The following DAB2IP variants were observed in gnomAD, a reference collection of about 807,000 sequenced individuals.
DAB2IP encodes the protein DAB2 interacting protein, also known as disabled homolog 2-interacting protein.
A neutral mutation model predicts 107.2 loss-of-function variants in DAB2IP; 28 were observed. The ratio of observed to expected loss-of-function variants is 0.26; its 90% CI spans 0.19 to 0.36. DAB2IP has a LOEUF of 0.36. Ranked by LOEUF, DAB2IP falls within the 10% of genes least tolerant of loss-of-function variation. DAB2IP has a pLI of 1.00. For missense variants in DAB2IP, 1,400 were observed against 1,644.7 expected (o/e 0.85, Z 2.57); for synonymous variants, 755 against 706.4 (o/e 1.07, Z -1.09).
chr9:121,757,016 C>G, exon 4 of DAB2IP: 1 of 1,614,056 alleles, frequency 6.2e-7, no homozygotes, highest in African/African-American at 1.3e-5. Context: ...ACCCCAGGTC[C>G]CATCTGATGC....
At chr9:121,664,944 TGAGTC>T (rs921932532) in intron 1 of DAB2IP, among the ~76,000 whole-genome samples, 7 of 152,234 alleles carry the variant, frequency 4.6e-5, no homozygotes, top group Non-Finnish European at 1.0e-4. Context: ...ATATACAGTC[TGAGTC>T]AACTGTTCTA....
intron 1 of DAB2IP, among the ~76,000 whole-genome samples, chr9:121,669,707 T>C (rs1273917189): frequency 6.6e-6 from 1 of 152,184 alleles, no homozygotes; most frequent in African/African-American, 2.4e-5. Flanking sequence ...AGGGTGATGA[T>C]TGGTATTTTG....
chr9:121,757,624 A>C (rs1412542011), intron 4 of DAB2IP, among the ~76,000 whole-genome samples: 2 of 152,078 alleles, frequency 1.3e-5, no homozygotes, highest in African/African-American at 4.8e-5. Flanking sequence ...GTTTGAATGC[A>C]GAGAGCCAGT....
chr9:121,593,729 A>G (rs1420272726), intron 1 of DAB2IP, among the ~76,000 whole-genome samples: 1 of 134,612 alleles, frequency 7.4e-6, no homozygotes, highest in Non-Finnish European at 1.5e-5. Flanking sequence ...GTGCAGTGGC[A>G]TAATCTCGGC....
intron 3 of DAB2IP, among the ~76,000 whole-genome samples, chr9:121,728,773 AG>A (rs1172484508): frequency 6.6e-6 from 1 of 151,794 alleles, no homozygotes; most frequent in East Asian, 1.9e-4. Context: ...AGCTTTATGA[AG>A]AAAATGTTTG....
chr9:121,763,633 C>T, exon 7 of DAB2IP: 10 of 1,613,348 alleles, frequency 6.2e-6, no homozygotes, highest in Non-Finnish European at 8.5e-6. Flanking sequence ...GCCAGAAGTA[C>T]CTGCAGGACG....
At chr9:121,593,252 C>T (rs1830452667) in intron 1 of DAB2IP, among the ~76,000 whole-genome samples, 1 of 151,982 alleles carries the variant, frequency 6.6e-6, no homozygotes, top group Non-Finnish European at 1.5e-5. Flanking sequence ...TGCTTGGCTT[C>T]TCTTGGAATT....
chr9:121,581,245 A>G (rs1203969049), intron 1 of DAB2IP, among the ~76,000 whole-genome samples: 2 of 152,142 alleles, frequency 1.3e-5, no homozygotes, highest in African/African-American at 4.8e-5. Flanking sequence ...ACCCAGAGCC[A>G]AGGGGGTAGT....
Position 121,651,810 on chromosome 9 carries a change from G to A in DAB2IP, c.35G>A (p.Gly12Glu). 1 of 1,463,030 alleles carries A rather than the reference G, an allele frequency of 6.8e-7. No individual in the cohort carries two copies. The highest frequency in any genetic ancestry group is 1.3e-5 in the South Asian group (1 of 75,606). 90.6% of individuals were successfully genotyped at this position (1,463,030 alleles called of 1,614,324 possible). The change falls in exon 1 of 16, where the codon GGG becomes GAG. Residue 12 changes from glycine to glutamate, a missense_variant. By Grantham distance (98) the Gly-to-Glu change is moderately conservative (BLOSUM62 -2). Transcript: ENST00000408936. The surrounding 1 kb of genome is among the most constrained non-coding windows in gnomAD (Gnocchi z 5.1). ...GGCGGCAGCGCCAGGAAGAGCACCG[G>A]GAGGTCCTCCTACTACTACCGGCTG...
Position 121,736,420 on chromosome 9 carries a change from C to T in DAB2IP, c.363-20593C>T, listed in dbSNP as rs1831921034. 6.6e-6 allele frequency among the ~76,000 whole-genome samples: 1 copy of T among 152,188 alleles called. No homozygotes were observed. On this transcript the variant is annotated intron_variant, in intron 3 of 15. Coordinates refer to ENST00000408936, the Ensembl canonical transcript of DAB2IP. The surrounding 1 kb of genome is among the most constrained non-coding windows in gnomAD (Gnocchi z 4.6). ...CCTGCTCCAGGGCCTGCGCGTCCCG[C>T]CCGCCCGGCGTGCCGAAGCGCAGCG... is the stretch of plus-strand genomic sequence containing the variant.
intron 3 of DAB2IP, among the ~76,000 whole-genome samples, chr9:121,749,746 A>G (rs1046751463): frequency 1.3e-5 from 2 of 152,240 alleles, no homozygotes; most frequent in Non-Finnish European, 2.9e-5. Flanking sequence ...GAGGCATCCC[A>G]GAGCATTTGG....
At chr9:121,586,534 G>C (rs888266464) in intron 1 of DAB2IP, among the ~76,000 whole-genome samples, 4 of 152,246 alleles carry the variant, frequency 2.6e-5, no homozygotes, top group Middle Eastern at 3.4e-3. Context: ...CTACAGGGGA[G>C]AAACCTGTTA....
At chr9:121,777,484 T>C (rs929589498) in intron 14 of DAB2IP, among the ~76,000 whole-genome samples, 1 of 152,248 alleles carries the variant, frequency 6.6e-6, no homozygotes, top group Non-Finnish European at 1.5e-5. Context: ...AGAATGGAAA[T>C]GCTTTTCAAT....
rs1830709517 is a variant in DAB2IP at position 121,602,330 on chromosome 9, G to A, written c.40+35102G>A. Among the ~76,000 whole-genome samples the A allele has an allele frequency of 2.0e-5, 3 of 152,176 alleles. No individual in the cohort carries two copies. In the South Asian group the frequency reaches 6.2e-4, roughly 32 times the overall value. On this transcript the variant is annotated intron_variant, in intron 1 of 16. Transcript: ENST00000259371. ...GGATGTACTTGCGGGCAGACCTGTG[G>A]CACCCCCAAGATCACTGGCCTCTGC...
intron 1 of DAB2IP, among the ~76,000 whole-genome samples, chr9:121,612,609 C>G (rs1212166049): frequency 2.0e-5 from 3 of 152,138 alleles, no homozygotes; most frequent in Non-Finnish European, 4.4e-5. Flanking sequence ...GGAACTCCAA[C>G]AAGTCTCAGC....
intron 5 of DAB2IP, among the ~76,000 whole-genome samples, chr9:121,759,214 C>T (rs1241926923): frequency 1.3e-5 from 2 of 152,214 alleles, no homozygotes; most frequent in Non-Finnish European, 2.9e-5. Flanking sequence ...CTAAGCTACA[C>T]ATTGAGGCTG....
chr9:121,675,585 G>A (rs147032645), intron 1 of DAB2IP, among the ~76,000 whole-genome samples: 16 of 152,270 alleles, frequency 1.1e-4, no homozygotes, highest in East Asian at 5.8e-4. Context: ...CCTCCTATGC[G>A]TTGGCCCCTT....
At chr9:121,678,356 T>C (rs1388509333) in intron 1 of DAB2IP, among the ~76,000 whole-genome samples, 6 of 152,242 alleles carry the variant, frequency 3.9e-5, no homozygotes, top group East Asian at 3.8e-4. Flanking sequence ...TTCCTTTGCA[T>C]GTCAGTACCA....
At chr9:121,715,347 C>CTTTT (rs201505312) in intron 3 of DAB2IP, among the ~76,000 whole-genome samples, 1 of 148,666 alleles carries the variant, frequency 6.7e-6, no homozygotes, top group African/African-American at 2.5e-5. Context: ...CTTTTTCTTT[C>CTTTT]TTTCTTTTTT....
Sources: allele counts gnomAD v4.1 joint callset (sites outside exome capture counted in the v4.1 genomes callset), GRCh38; gene constraint gnomAD v4.1.1; non-coding constraint Gnocchi (gnomAD v3.1); transcripts MANE v1.5; gene names NCBI Gene and HGNC (gene_info 2026-07-23, HGNC 2026-07-21).